The following LETMD1 variants were observed in gnomAD, a reference collection of about 807,000 sequenced individuals.
LETMD1 encodes the protein LETM1 domain containing 1, also known as LETM1 domain-containing protein 1.
In LETMD1, 30 loss-of-function variants were observed where a neutral mutation model predicts 43.9. The ratio of observed to expected loss-of-function variants is 0.68; its 90% CI spans 0.51 to 0.93. The LOEUF (loss-of-function observed/expected upper bound fraction) is 0.93. Ranked by LOEUF, LETMD1 falls within the 40% of genes least tolerant of loss-of-function variation. The pLI is 0.00. For synonymous variants in LETMD1, 176 were observed against 163.1 expected (o/e 1.08, Z -0.60); for missense variants, 413 against 447.7 (o/e 0.92, Z 0.70).
Position 51,056,248 on chromosome 12 carries a change from G to A in LETMD1, c.762+3G>A. On this transcript the variant is annotated splice_donor_region_variant and intron_variant, in intron 6 of 8. Transcript: ENST00000262055. ...ACCAACTCCAGGCTTTGCACGTGGT[G>A]AGCACTTTGAGGGCTTCTCTTTTCC... 2 of 1,614,116 alleles carry A rather than the reference G, an allele frequency of 1.2e-6. No homozygotes were observed. Among genetic ancestry groups the A allele is most frequent in the Non-Finnish European group, 8.5e-7 (1 of 1,179,946 alleles).
intron 3 of LETMD1, among the ~76,000 whole-genome samples, chr12:51,053,190 A>G (rs1016238816): frequency 2.0e-5 from 3 of 152,112 alleles, no homozygotes; most frequent in Non-Finnish European, 4.4e-5. Flanking sequence ...GTCGTTTTGA[A>G]GCTGAGAGTA....
At chr12:51,068,356 T>C in the LETMD1 span, among the ~76,000 whole-genome samples, 1 of 152,160 alleles carries the variant, frequency 6.6e-6, no homozygotes, top group African/African-American at 2.4e-5. Flanking sequence ...TTCACTGTGT[T>C]GGCCAGGCTA....
chr12:51,064,760 A>C, downstream of LETMD1: 1 of 1,165,184 alleles, frequency 8.6e-7, no homozygotes. Flanking sequence ...GGCAGTTGGG[A>C]TTTGAGGTCT....
rs927713023 is a variant in LETMD1, at chr12:51,052,297, A to C, written c.390+90A>C. 220 of 1,472,254 alleles carry C rather than the reference A, an allele frequency of 1.5e-4. 1 individual carries two copies. Among genetic ancestry groups the C allele is most frequent in the Non-Finnish European group, 2.1e-5 (23 of 1,084,942 alleles). The allele number at this position is 1,472,254 out of a possible 1,614,324, so 91.2% of individuals were successfully genotyped here. ...AGGTTTTTTCTTTCATTTGTTGTTC[A>C]CCATTGATCAAGCTTTTGCCCTTTG... On this transcript the variant is annotated intron_variant, in intron 3 of 8. Coordinates refer to ENST00000262055, the MANE Select transcript of LETMD1 (RefSeq NM_015416.5).
intron 4 of LETMD1, 94 bp from the exon 5 acceptor site, chr12:51,055,741 C>G: frequency 1.6e-6 from 1 of 636,682 alleles, no homozygotes; most frequent in Non-Finnish European, 2.7e-6. Context: ...TCCATCTCTT[C>G]TTCCTAGTAT....
At chr12:51,053,105 T>A (rs1946636523) in intron 3 of LETMD1, among the ~76,000 whole-genome samples, 1 of 124,640 alleles carries the variant, frequency 8.0e-6, no homozygotes, top group Non-Finnish European at 1.9e-5. Flanking sequence ...AGAGCAAAAC[T>A]CTGTCTCAAA....
chr12:51,052,118 A>G lies in LETMD1; in HGVS notation c.301A>G (p.Lys101Glu). The change falls in exon 3 of 9, where the codon AAA (lysine) becomes GAA (glutamate). Residue 101 changes from lysine to glutamate, a missense_variant. Coordinates refer to ENST00000262055, the MANE Select transcript of LETMD1 (RefSeq NM_015416.5). The stretch of plus-strand genomic sequence containing the variant: ...ATTGCAGATGTTATGGGCTGATGCC[A>G]AAAAGGCTAGAAGAATAAAGACAAA... ...KGLQMLWADA[K>E]KARRIKTNMW... is the part of the protein sequence containing the mutation. 3 of 1,613,160 alleles carry G rather than the reference A, an allele frequency of 1.9e-6. No individual in the cohort carries two copies. Among genetic ancestry groups the G allele is most frequent in the Non-Finnish European group, 1.7e-6 (2 of 1,179,312 alleles).
rs550216945 is a variant in LETMD1, at chr12:51,048,582, G to A, written c.122+104G>A. The A allele has an allele frequency of 3.5e-6, 5 of 1,443,484 alleles. No homozygotes were observed. In the South Asian group the frequency reaches 3.7e-5, roughly 11 times the overall value. 89.4% of individuals were successfully genotyped at this position (1,443,484 alleles called of 1,614,324 possible). On this transcript the variant is annotated intron_variant, in intron 1 of 8. Coordinates refer to ENST00000262055, the MANE Select transcript of LETMD1 (RefSeq NM_015416.5). ...TTAATTCTCAGAGTTCCACGCCTTG[G>A]CCCTGGAATTTTTATTCTTCTGTTC...
chr12:51,048,609 G>T, intron 1 of LETMD1, 131 bp downstream of exon 1: 1 of 1,196,454 alleles, frequency 8.4e-7, no homozygotes, highest in Non-Finnish European at 1.2e-6. Context: ...CTTCTGTTCA[G>T]GATTCAAACT....
the LETMD1 span, chr12:51,067,957 C>T: frequency 6.2e-7 from 1 of 1,613,320 alleles, no homozygotes; most frequent in South Asian, 1.1e-5. The surrounding 1 kb of genome is among the most constrained non-coding windows in gnomAD (Gnocchi z 4.1). Flanking sequence ...TCCACTGTCC[C>T]ATTCTTGGTC....
At chr12:51,064,577 A>G (rs1937910636), downstream of LETMD1, 1 of 1,607,658 alleles carries the variant, frequency 6.2e-7, no homozygotes, top group African/African-American at 1.3e-5. Context: ...GGAGGTAATG[A>G]GTCCGGACCC....
chr12:51,059,574 A>G lies in LETMD1; in HGVS notation c.*143A>G. ...GAGCAGGGGCCATGGGCTTCACAGC[A>G]TGGCACACATGTGGGAACTGCAGAC... On this transcript the variant is annotated 3_prime_UTR_variant, in exon 9 of 9. Coordinates refer to ENST00000262055, the MANE Select transcript of LETMD1 (RefSeq NM_015416.5). The G allele has an allele frequency of 4.2e-6, 3 of 720,014 alleles. No individual in the cohort carries two copies. Among genetic ancestry groups the G allele is most frequent in the Non-Finnish European group, 7.5e-6 (3 of 401,498 alleles). The allele number at this position is 720,014 out of a possible 1,614,324, so 44.6% of individuals were successfully genotyped here.
At position 51,060,176 on chromosome 12, in the gene LETMD1, TC is replaced by T. The variant is rs1948730776; in HGVS notation, c.*747del. On this transcript the variant is annotated 3_prime_UTR_variant, in exon 9 of 9. Transcript: ENST00000262055. ...TCTGTGGATCTTCAACTCTGCTGCC[TC>T]CACTGTGATGCAGCAGTCCAACTGT... 1 of 152,750 alleles carries T rather than the reference TC, an allele frequency of 6.5e-6. No individual in the cohort carries two copies. The highest frequency in any genetic ancestry group is 2.4e-5 in the African/African-American group (1 of 41,458). 9.5% of individuals were successfully genotyped at this position (152,750 alleles called of 1,614,324 possible).
downstream of LETMD1, among the ~76,000 whole-genome samples, chr12:51,060,768 G>C (rs1948788195): frequency 6.6e-6 from 1 of 152,060 alleles, no homozygotes; most frequent in South Asian, 2.1e-4. Context: ...CAGGCGTGGT[G>C]GTGGGCGCCT....
At chr12:51,066,056 A>G in the LETMD1 span, among the ~76,000 whole-genome samples, 4 of 152,228 alleles carry the variant, frequency 2.6e-5, no homozygotes, top group Admixed American at 6.5e-5. Context: ...ACGGTGGCTC[A>G]TGCCTGTAAT....
At chr12:51,065,883 T>C in the LETMD1 span, among the ~76,000 whole-genome samples, 1 of 152,128 alleles carries the variant, frequency 6.6e-6, no homozygotes. Context: ...CAGCTAAAAA[T>C]AAAGAAAGAG....
chr12:51,052,634 AGC>A (rs1946487395), intron 3 of LETMD1, among the ~76,000 whole-genome samples: 1 of 151,990 alleles, frequency 6.6e-6, no homozygotes, highest in South Asian at 2.1e-4. Flanking sequence ...TACAAAAATT[AGC>A]TGAGTGTGGT....
intron 7 of LETMD1, 200 bp downstream of exon 7, chr12:51,056,702 T>C (rs950749329): frequency 8.9e-6 from 4 of 447,588 alleles, no homozygotes; most frequent in Non-Finnish European, 1.5e-5. Context: ...TTGCCCAGGC[T>C]AGAGTACAGT....
chr12:51,063,980 G>A, downstream of LETMD1: 1 of 1,613,942 alleles, frequency 6.2e-7, no homozygotes, highest in Non-Finnish European at 8.5e-7. Flanking sequence ...GGGCAGCTGG[G>A]TCTGTGGAGC....
Sources: allele counts gnomAD v4.1 joint callset (sites outside exome capture counted in the v4.1 genomes callset), GRCh38; gene constraint gnomAD v4.1.1; non-coding constraint Gnocchi (gnomAD v3.1); transcripts MANE v1.5; gene names NCBI Gene and HGNC (gene_info 2026-07-23, HGNC 2026-07-21).